The following FBXL17 variants were observed in gnomAD, a reference collection of about 807,000 sequenced individuals.
The protein encoded by FBXL17 is F-box/LRR-repeat protein 17.
Under a neutral mutation model 66.2 loss-of-function variants are expected in FBXL17, and 22 were observed. The observed-to-expected ratio is 0.33, with a 90% CI of 0.24 to 0.47. The LOEUF (loss-of-function observed/expected upper bound fraction) is 0.47. Among genes scored for constraint, FBXL17 ranks in the 20% least tolerant of loss-of-function variants. FBXL17 has a pLI of 1.00. For synonymous variants in FBXL17, 474 were observed against 400.5 expected, an observed-to-expected ratio of 1.18 and a Z score of -2.19; for missense variants, 878 against 948.2, an observed-to-expected ratio of 0.93 and a Z score of 0.97.
chr5:108,107,365 C>T lies in FBXL17; in HGVS notation c.1745+78752G>A, dbSNP rs183762794. 2.0e-3 allele frequency among the ~76,000 whole-genome samples: 301 copies of T among 152,262 alleles called. 1 individual carries two copies. Among genetic ancestry groups the T allele is most frequent in the African/African-American group, 6.0e-3 (251 of 41,550 alleles). The stretch of plus-strand genomic sequence containing the variant: ...AACCTCTGAATTTTAAATACAACTA[C>T]GAAAAGTATATTATTTTGGTGTTTT... On this transcript the variant is annotated intron_variant, in intron 6 of 8. Transcript: ENST00000542267.
chr5:107,899,946 T>C (rs1749517018), intron 7 of FBXL17, among the ~76,000 whole-genome samples: 1 of 152,094 alleles, frequency 6.6e-6, no homozygotes, highest in Non-Finnish European at 1.5e-5. Context: ...CCCCTAAATA[T>C]TAAAAAAAGT....
chr5:108,049,250 C>T (rs559712270), intron 6 of FBXL17, among the ~76,000 whole-genome samples: 3 of 152,084 alleles, frequency 2.0e-5, no homozygotes, highest in African/African-American at 7.2e-5. Flanking sequence ...TCAAGCAATT[C>T]CCCTGCCTTA....
At chr5:108,252,846 T>C (rs913036161) in intron 4 of FBXL17, among the ~76,000 whole-genome samples, 1 of 152,318 alleles carries the variant, frequency 6.6e-6, no homozygotes, top group Admixed American at 6.5e-5. Flanking sequence ...CCTTATGCTC[T>C]AATTGAAAAA....
chr5:108,103,767 T>C (rs1749687435), intron 6 of FBXL17, among the ~76,000 whole-genome samples: 2 of 152,194 alleles, frequency 1.3e-5, no homozygotes, highest in African/African-American at 4.8e-5. Context: ...GCTTTTATTA[T>C]AGTTAAAAGG....
chr5:108,249,805 T>C (rs887745252), intron 4 of FBXL17, among the ~76,000 whole-genome samples: 1 of 152,150 alleles, frequency 6.6e-6, no homozygotes. Context: ...CAATTAGATA[T>C]ATTCTTGTAC....
intron 4 of FBXL17, among the ~76,000 whole-genome samples, chr5:108,335,127 A>C (rs568919902): frequency 6.6e-6 from 1 of 152,268 alleles, no homozygotes; most frequent in South Asian, 2.1e-4. Flanking sequence ...AATTAGAAAA[A>C]TCAGATCAAA....
chr5:108,322,405 T>G (rs1156293570), intron 4 of FBXL17, among the ~76,000 whole-genome samples: 2 of 151,792 alleles, frequency 1.3e-5, no homozygotes, highest in East Asian at 3.9e-4. Context: ...ACCTGTTAAG[T>G]GCGGGGGAAA....
At chr5:108,346,592 T>C (rs939454947) in intron 4 of FBXL17, among the ~76,000 whole-genome samples, 2 of 152,096 alleles carry the variant, frequency 1.3e-5, no homozygotes, top group Admixed American at 6.6e-5. Flanking sequence ...GAGATCACCA[T>C]CCTTTAATTT....
chr5:108,308,596 G>C (rs980777752), intron 4 of FBXL17, among the ~76,000 whole-genome samples: 44 of 152,088 alleles, frequency 2.9e-4, no homozygotes, highest in Non-Finnish European at 4.1e-4. Flanking sequence ...CATAGATTTT[G>C]AATTAGCGAT....
chr5:108,086,972 G>C (rs1011274322), intron 6 of FBXL17, among the ~76,000 whole-genome samples: 1 of 152,136 alleles, frequency 6.6e-6, no homozygotes, highest in Non-Finnish European at 1.5e-5. Flanking sequence ...CAGATGTGGG[G>C]CCTCAGTCAC....
At chr5:108,268,278 GGT>G (rs1359154807) in intron 4 of FBXL17, among the ~76,000 whole-genome samples, 1 of 151,702 alleles carries the variant, frequency 6.6e-6, no homozygotes, top group African/African-American at 2.4e-5. Context: ...TAGGGATGTG[GGT>G]GTGTGTGTGT....
At chr5:107,895,699 T>C (rs1262895776) in intron 7 of FBXL17, among the ~76,000 whole-genome samples, 1 of 152,152 alleles carries the variant, frequency 6.6e-6, no homozygotes, top group African/African-American at 2.4e-5. Flanking sequence ...TCCTTTCAGA[T>C]TGTTTCTTCT....
intron 7 of FBXL17, among the ~76,000 whole-genome samples, chr5:107,997,829 C>T (rs1318431372): frequency 6.6e-6 from 1 of 152,062 alleles, no homozygotes; most frequent in Non-Finnish European, 1.5e-5. Context: ...GTCACTAAGA[C>T]AATAAACAAA....
intron 6 of FBXL17, among the ~76,000 whole-genome samples, chr5:108,178,529 C>G (rs1193273434): frequency 1.3e-5 from 2 of 152,126 alleles, no homozygotes; most frequent in Non-Finnish European, 2.9e-5. Flanking sequence ...TTCTATAATC[C>G]TCTCAGAACT....
chr5:108,076,335 C>G (rs976540827), intron 6 of FBXL17, among the ~76,000 whole-genome samples: 3 of 152,114 alleles, frequency 2.0e-5, no homozygotes, highest in Admixed American at 2.0e-4. Context: ...CAGGCATTGC[C>G]TTCATAGCTC....
At position 108,009,308 on chromosome 5, in the gene FBXL17, T is replaced by TATACAC; in HGVS notation, c.1822+11616_1822+11617insGTGTAT. On this transcript the variant is annotated intron_variant, in intron 7 of 8. Coordinates refer to ENST00000542267, the MANE Select transcript of FBXL17 (RefSeq NM_001163315.3). ...ATATATATATATATATATACATATA[T>TATACAC]ACATACACATATAGTTTTGCTTTTG... Among the ~76,000 whole-genome samples the TATACAC allele has an allele frequency of 8.4e-3, 355 of 42,198 alleles. 56 individuals carry two copies. Among genetic ancestry groups the TATACAC allele is most frequent in the African/African-American group, 0.029 (323 of 11,318 alleles). The allele number at this position is 42,198 out of a possible 152,430, so 27.7% of individuals were successfully genotyped here.
intron 7 of FBXL17, among the ~76,000 whole-genome samples, chr5:107,917,600 T>C (rs937435756): frequency 6.6e-6 from 1 of 152,214 alleles, no homozygotes; most frequent in African/African-American, 2.4e-5. Flanking sequence ...TTGGAGCTCA[T>C]CTACTATTTA....
At chr5:108,292,184 C>T (rs1002021180) in intron 4 of FBXL17, among the ~76,000 whole-genome samples, 10 of 151,224 alleles carry the variant, frequency 6.6e-5, no homozygotes, top group South Asian at 4.2e-4. Flanking sequence ...TGCAATGGCG[C>T]GATCTTGGCT....
intron 5 of FBXL17, among the ~76,000 whole-genome samples, chr5:108,186,697 A>G (rs1439356826): frequency 2.0e-5 from 3 of 151,698 alleles, no homozygotes; most frequent in Admixed American, 2.0e-4. Context: ...TGAACCCGGG[A>G]GGCAGAGGTT....
Sources: gnomAD v4.1 joint callset for allele counts (sites outside exome capture counted in the v4.1 genomes callset) on GRCh38, gnomAD v4.1.1 for gene constraint, MANE v1.5 for transcripts, NCBI Gene and HGNC (gene_info 2026-07-23, HGNC 2026-07-21) for gene names.